SORBS2: variants seen among roughly 807,000 people sequenced by gnomAD.
SORBS2 encodes the protein sorbin and SH3 domain-containing protein 2.
A neutral mutation model predicts 97.7 loss-of-function variants in SORBS2; 46 were observed. The observed-to-expected ratio is 0.47, with a 90% CI of 0.37 to 0.60. SORBS2 has a LOEUF of 0.60. Among genes scored for constraint, SORBS2 ranks in the 20% least tolerant of loss-of-function variants. The pLI, the probability that SORBS2 is intolerant of heterozygous loss-of-function variation, is 0.00. For synonymous variants in SORBS2, 476 were observed against 473.4 expected, an observed-to-expected ratio of 1.01 and a Z score of -0.07; for missense variants, 1,316 against 1,282.3, an observed-to-expected ratio of 1.03 and a Z score of -0.40.
At chr4:185,841,060 G>A (rs1339989980) in intron 1 of SORBS2, among the ~76,000 whole-genome samples, 5 of 152,120 alleles carry the variant, frequency 3.3e-5, no homozygotes, top group East Asian at 1.9e-4. Flanking sequence ...TGGGTGAGAC[G>A]AAGCAAAGCA....
chr4:185,812,339 C>T (rs1266804773), intron 1 of SORBS2, 145 bp from the exon 1 acceptor site: 2 of 152,248 alleles, frequency 1.3e-5, no homozygotes, highest in Non-Finnish European at 1.5e-5. Context: ...AGCACACTCA[C>T]ACAGCTTGTT....
At chr4:185,864,242 A>C (rs929255612) in intron 1 of SORBS2, among the ~76,000 whole-genome samples, 14 of 152,236 alleles carry the variant, frequency 9.2e-5, no homozygotes, top group Non-Finnish European at 1.8e-4. Flanking sequence ...TCATGCCACC[A>C]ACAAAATACC....
intron 2 of SORBS2, among the ~76,000 whole-genome samples, chr4:185,699,533 C>A (rs1160879204): frequency 6.6e-6 from 1 of 152,010 alleles, no homozygotes. Flanking sequence ...GTAATCTGCC[C>A]GCCTTGGTCT....
intron 2 of SORBS2, among the ~76,000 whole-genome samples, chr4:185,696,170 C>T (rs570088230): frequency 1.1e-3 from 171 of 152,166 alleles, no homozygotes; most frequent in African/African-American, 3.6e-3. Flanking sequence ...TGAGAATACG[C>T]GGAGTGTTAG....
intron 1 of SORBS2, among the ~76,000 whole-genome samples, chr4:185,947,554 G>T (rs184969109): frequency 1.2e-4 from 19 of 152,232 alleles, no homozygotes; most frequent in African/African-American, 4.6e-4. Flanking sequence ...CACTAGTCTG[G>T]CTACAGTTCG....
intron 1 of SORBS2, among the ~76,000 whole-genome samples, chr4:185,817,863 G>A (rs1455297185): frequency 6.6e-6 from 1 of 152,200 alleles, no homozygotes; most frequent in East Asian, 1.9e-4. Context: ...GTCACCTTGT[G>A]TCTTCTAGAA....
At chr4:185,751,111 A>G (rs542361157) in intron 2 of SORBS2, among the ~76,000 whole-genome samples, 1 of 145,464 alleles carries the variant, frequency 6.9e-6, no homozygotes, top group African/African-American at 2.5e-5. Flanking sequence ...TCATAGAGGA[A>G]TTGTTATATA....
At chr4:185,608,480 A>T (rs971552508) in intron 12 of SORBS2, among the ~76,000 whole-genome samples, 1 of 148,452 alleles carries the variant, frequency 6.7e-6, no homozygotes, top group Non-Finnish European at 1.5e-5. Flanking sequence ...AGGAGGTATG[A>T]GTTATGAAGC....
chr4:185,774,101 T>C (rs2098987902), intron 2 of SORBS2: 1 of 152,188 alleles, frequency 6.6e-6, no homozygotes, highest in Non-Finnish European at 1.5e-5. Flanking sequence ...GAAAAAAAAG[T>C]ATTTCTGAAC....
chr4:185,778,910 C>T (rs1388278676), intron 1 of SORBS2, among the ~76,000 whole-genome samples: 1 of 152,220 alleles, frequency 6.6e-6, no homozygotes, highest in East Asian at 1.9e-4. Context: ...TTCGCTCCAC[C>T]TCTGTTCCGG....
chr4:185,678,737 AAT>A, intron 3 of SORBS2, 57 bp downstream of exon 6: 2 of 1,245,476 alleles, frequency 1.6e-6, no homozygotes, highest in South Asian at 1.5e-5. Context: ...TGTGGCTATG[AAT>A]ATGTTTTCTA....
chr4:185,743,023 G>A (rs2098737144), intron 2 of SORBS2, among the ~76,000 whole-genome samples: 1 of 152,168 alleles, frequency 6.6e-6, no homozygotes, highest in African/African-American at 2.4e-5. Context: ...CGACCAGCTG[G>A]TTTCCTGGAG....
At chr4:185,880,177 G>A (rs929824265) in intron 1 of SORBS2, among the ~76,000 whole-genome samples, 34 of 152,312 alleles carry the variant, frequency 2.2e-4, no homozygotes, top group African/African-American at 8.2e-4. Context: ...TGCCGCCTGT[G>A]TCTGAATCTC....
intron 2 of SORBS2, among the ~76,000 whole-genome samples, chr4:185,691,321 T>A (rs1015679823): frequency 3.3e-5 from 5 of 152,138 alleles, no homozygotes; most frequent in African/African-American, 1.2e-4. Context: ...CACCTCAGCC[T>A]CTCAAGGTGC....
At chr4:185,944,124 TA>T (rs1561325337) in intron 1 of SORBS2, among the ~76,000 whole-genome samples, 1 of 152,222 alleles carries the variant, frequency 6.6e-6, no homozygotes. Flanking sequence ...TCCTGTAATA[TA>T]ACTGATCATA....
At chr4:185,829,376 T>G (rs1037252652) in intron 1 of SORBS2, among the ~76,000 whole-genome samples, 1 of 152,238 alleles carries the variant, frequency 6.6e-6, no homozygotes, top group African/African-American at 2.4e-5. Flanking sequence ...CTGTGTGAAA[T>G]GCAGATTCCA....
At chr4:185,680,679 G>A (rs1198727186) in intron 2 of SORBS2, among the ~76,000 whole-genome samples, 1 of 152,136 alleles carries the variant, frequency 6.6e-6, no homozygotes, top group African/African-American at 2.4e-5. Flanking sequence ...AAAGAAGGCT[G>A]TGTGTTAGCG....
Position 185,934,585 on chromosome 4 carries a change from A to G in SORBS2, c.-338+21611T>C, listed in dbSNP as rs1285611742. 2.0e-5 allele frequency among the ~76,000 whole-genome samples: 3 copies of G among 152,018 alleles called. No homozygotes were observed. The East Asian group carries it at 5.8e-4, about 29-fold the overall frequency. On this transcript the variant is annotated intron_variant, in intron 1 of 20. Coordinates refer to the SORBS2 transcript ENST00000284776. ...ACACCAGCCTGGCCAACATGAGGAA[A>G]CCCCAGCTCTACTAAAAATACAAAA...
chr4:185,756,718 G>A (rs1054788948), intron 2 of SORBS2, among the ~76,000 whole-genome samples: 2 of 85,334 alleles, frequency 2.3e-5, no homozygotes, highest in South Asian at 1.1e-3. Flanking sequence ...AACTGTTAAA[G>A]CTTTTTTTTT....
Sources: gnomAD v4.1 joint callset for allele counts (sites outside exome capture counted in the v4.1 genomes callset) on GRCh38, gnomAD v4.1.1 for gene constraint, MANE v1.5 for transcripts, NCBI Gene and HGNC (gene_info 2026-07-23, HGNC 2026-07-21) for gene names.